Variants in MCM9 observed in about 807,000 individuals in gnomAD.
MCM9 encodes minichromosome maintenance 9 homologous recombination repair factor.
Under a neutral mutation model 72.8 loss-of-function variants are expected in MCM9, and 55 were observed. The ratio of observed to expected loss-of-function variants is 0.76; its 90% CI spans 0.61 to 0.95. The LOEUF (loss-of-function observed/expected upper bound fraction) is 0.95, where lower values mean the gene tolerates loss of function less well. Ranked by LOEUF, MCM9 falls within the 40% of genes least tolerant of loss-of-function variation. The probability of loss-of-function intolerance (pLI) is 0.00; values close to 1 mark genes in which losing one functional copy is unlikely to be tolerated. For missense variants in MCM9, 1,279 were observed against 1,377.0 expected, an observed-to-expected ratio of 0.93 and a Z score of 1.13; for synonymous variants, 480 against 503.4, an observed-to-expected ratio of 0.95 and a Z score of 0.62.
intron 9 of MCM9, among the ~76,000 whole-genome samples, chr6:118,839,157 CT>C (rs2114605704): frequency 6.6e-6 from 1 of 151,938 alleles, no homozygotes; most frequent in African/African-American, 2.4e-5. Context: ...CATCTTCACG[CT>C]TTATTTCATT....
At chr6:118,845,181 A>C (rs778091459) in intron 9 of MCM9, among the ~76,000 whole-genome samples, 9 of 151,920 alleles carry the variant, frequency 5.9e-5, no homozygotes, top group Non-Finnish European at 1.3e-4. Flanking sequence ...AAGACCCACA[A>C]ACACACACAA....
At chr6:118,885,598 CA>C (rs1778549895) in intron 8 of MCM9, among the ~76,000 whole-genome samples, 2 of 152,006 alleles carry the variant, frequency 1.3e-5, no homozygotes, top group South Asian at 4.1e-4. Flanking sequence ...AGAATGATAC[CA>C]ACTACTGAAA....
In MCM9 at chr6:118,815,374, C is replaced by G. The variant is rs1773344979; in HGVS notation, c.2882G>C (p.Arg961Thr). ...HSPKISQRRT[R>T]RDAALPVKRP... is the part of the protein sequence containing the mutation. ...CTTCACCGGCAAGGCTGCGTCTCTT[C>G]TTGTTCTACGCTGGGAAATTTTAGG... Residue 961 changes from arginine to threonine, a missense_variant, in exon 14 of 14, where the codon AGA (arginine) becomes ACA (threonine). Transcript: ENST00000619706. 6.4e-7 allele frequency: 1 copy of G among 1,550,564 alleles called. No individual in the cohort carries two copies. The highest frequency in any genetic ancestry group is 2.4e-5 in the East Asian group (1 of 40,900).
chr6:118,863,179 A>C (rs1777006868), intron 8 of MCM9, among the ~76,000 whole-genome samples: 1 of 152,230 alleles, frequency 6.6e-6, no homozygotes, highest in Non-Finnish European at 1.5e-5. Flanking sequence ...GCATAGGTAT[A>C]TATACATGTT....
intron 8 of MCM9, among the ~76,000 whole-genome samples, chr6:118,859,904 C>CA (rs899147552): frequency 6.6e-6 from 1 of 152,124 alleles, no homozygotes; most frequent in Admixed American, 6.5e-5. Context: ...GGTGAATATG[C>CA]AAAAAACTGA....
At chr6:118,823,139 G>A (rs1357582804) in intron 13 of MCM9, among the ~76,000 whole-genome samples, 3 of 152,070 alleles carry the variant, frequency 2.0e-5, no homozygotes, top group African/African-American at 7.2e-5. Flanking sequence ...TGGGGTTCCA[G>A]GTGCCACTGG....
At chr6:118,886,632 T>C (rs1226859528) in intron 8 of MCM9, among the ~76,000 whole-genome samples, 6 of 152,116 alleles carry the variant, frequency 3.9e-5, no homozygotes, top group Admixed American at 3.3e-4. Flanking sequence ...TAGGAATAAA[T>C]TTAATCAAGA....
intron 8 of MCM9, among the ~76,000 whole-genome samples, chr6:118,888,802 T>G (rs977364412): frequency 2.0e-5 from 3 of 152,178 alleles, no homozygotes; most frequent in Admixed American, 6.5e-5. Context: ...AAAAACATTA[T>G]GCTTCAAAGA....
rs975496042 is a variant in MCM9 at position 118,828,602 on chromosome 6, C to T, written c.1528+446G>A. 2.6e-5 allele frequency among the ~76,000 whole-genome samples: 4 copies of T among 152,150 alleles called. No homozygotes were observed. The South Asian group carries it at 8.3e-4, about 32-fold the overall frequency. Reference sequence around the variant, plus strand: ...GTTTCATCATGCTGGCTAGGCTGGTCTTGAACTCCTGACCTCAGGTGATCC... The same window carrying T: ...GTTTCATCATGCTGGCTAGGCTGGTTTTGAACTCCTGACCTCAGGTGATCC... On this transcript the variant is annotated intron_variant, in intron 10 of 13. Transcript: ENST00000619706.
intron 9 of MCM9, among the ~76,000 whole-genome samples, chr6:118,832,903 C>G (rs1369937468): frequency 6.6e-6 from 1 of 152,202 alleles, no homozygotes; most frequent in Non-Finnish European, 1.5e-5. Flanking sequence ...TGTTTTCTTT[C>G]CATCCTGGGA....
At chr6:118,845,607 T>C (rs1213375355) in intron 9 of MCM9, among the ~76,000 whole-genome samples, 1 of 151,878 alleles carries the variant, frequency 6.6e-6, no homozygotes, top group East Asian at 1.9e-4. Flanking sequence ...CTGAACTTTT[T>C]CCATATCTAG....
At chr6:118,923,029 CAA>C (rs780562520) in intron 4 of MCM9, among the ~76,000 whole-genome samples, 3 of 43,510 alleles carry the variant, frequency 6.9e-5, no homozygotes, top group South Asian at 1.6e-3. Context: ...AACTCCATCT[CAA>C]AAAAAAAAAA....
intron 9 of MCM9, among the ~76,000 whole-genome samples, chr6:118,849,186 T>C (rs1776073375): frequency 6.6e-6 from 1 of 151,072 alleles, no homozygotes; most frequent in African/African-American, 2.5e-5. Flanking sequence ...AAATCCAGAG[T>C]TGTGATCCTG....
chr6:118,929,946 A>T (rs1302768463), intron 3 of MCM9, among the ~76,000 whole-genome samples: 1 of 152,136 alleles, frequency 6.6e-6, no homozygotes, highest in Non-Finnish European at 1.5e-5. Flanking sequence ...TTTTCATTTA[A>T]ATTAAGTATT....
chr6:118,891,561 C>G (rs933425107), intron 8 of MCM9, among the ~76,000 whole-genome samples: 3 of 152,066 alleles, frequency 2.0e-5, no homozygotes, highest in African/African-American at 7.3e-5. Context: ...CCTCTGTGTG[C>G]GTGTGACCCT....
At chr6:118,865,561 A>G (rs949835654) in intron 8 of MCM9, among the ~76,000 whole-genome samples, 12 of 152,170 alleles carry the variant, frequency 7.9e-5, no homozygotes, top group African/African-American at 2.7e-4. Context: ...GGCTTATAAC[A>G]TACTTCAAGT....
intron 9 of MCM9, among the ~76,000 whole-genome samples, chr6:118,855,306 T>C (rs1468278183): frequency 6.6e-6 from 1 of 152,246 alleles, no homozygotes; most frequent in East Asian, 1.9e-4. Flanking sequence ...TGTGGACTTA[T>C]CGCTTTGCTG....
At chr6:118,922,870 T>C in intron 4 of MCM9, among the ~76,000 whole-genome samples, 1 of 151,714 alleles carries the variant, frequency 6.6e-6, no homozygotes, top group Non-Finnish European at 1.5e-5. Flanking sequence ...CTGTCTCTAC[T>C]AAAAATACAG....
intron 9 of MCM9, among the ~76,000 whole-genome samples, chr6:118,833,131 G>T (rs185927060): frequency 6.6e-6 from 1 of 152,200 alleles, no homozygotes; most frequent in African/African-American, 2.4e-5. Context: ...GCTTGGGCCC[G>T]GAATCATTGT....
Sources: allele counts gnomAD v4.1 joint callset (sites outside exome capture counted in the v4.1 genomes callset), GRCh38; gene constraint gnomAD v4.1.1; transcripts MANE v1.5; gene names NCBI Gene and HGNC (gene_info 2026-07-23, HGNC 2026-07-21).